The following PATJ variants were observed in gnomAD, a reference collection of about 807,000 sequenced individuals.
PATJ encodes inaD-like protein.
PATJ carries 190 observed loss-of-function variants against 224.9 expected under a neutral mutation model. The observed-to-expected ratio is 0.84, with a 90% CI of 0.75 to 0.95. The LOEUF (loss-of-function observed/expected upper bound fraction) is 0.95. PATJ is among the 40% of genes least tolerant of loss of function. PATJ has a pLI of 0.00. For synonymous variants in PATJ, 769 were observed against 820.3 expected, an observed-to-expected ratio of 0.94 and a Z score of 1.07; for missense variants, 2,121 against 2,270.3, an observed-to-expected ratio of 0.93 and a Z score of 1.34.
At chr1:62,098,719 C>T (rs1029436399) in intron 33 of PATJ, among the ~76,000 whole-genome samples, 2 of 152,194 alleles carry the variant, frequency 1.3e-5, no homozygotes, top group Non-Finnish European at 2.9e-5. Flanking sequence ...TCTGACCCCC[C>T]AGTCCTGAGT....
intron 30 of PATJ, among the ~76,000 whole-genome samples, chr1:62,047,688 T>G (rs1652813591): frequency 6.6e-6 from 1 of 152,244 alleles, no homozygotes; most frequent in East Asian, 1.9e-4. Context: ...TACTGATTTT[T>G]AAAGAGTAAT....
At position 61,802,691 on chromosome 1, in the gene PATJ, T is replaced by A. The variant is rs181437839; in HGVS notation, c.1549+922T>A. On this transcript the variant is annotated intron_variant, in intron 12 of 43. Coordinates refer to ENST00000642238, the MANE Select transcript of PATJ (RefSeq NM_001350145.3). ...TTATAAAAATTAATAATGTATGCAT[T>A]TCTATAAGTTGCATTGAATTGCCAA... Among the ~76,000 whole-genome samples the A allele has an allele frequency of 1.6e-4, 25 of 152,338 alleles. 1 individual carries two copies. In the East Asian group the frequency reaches 3.7e-3, roughly 22 times the overall value.
chr1:62,034,157 G>A (rs953747945), intron 29 of PATJ, among the ~76,000 whole-genome samples: 2 of 152,086 alleles, frequency 1.3e-5, no homozygotes, highest in African/African-American at 4.8e-5. Context: ...GGAAAGGAAA[G>A]TTTCACCCGG....
chr1:61,967,702 A>G (rs1571558981), intron 27 of PATJ, among the ~76,000 whole-genome samples: 2 of 152,234 alleles, frequency 1.3e-5, no homozygotes, highest in African/African-American at 2.4e-5. Flanking sequence ...AAAAGGCAAC[A>G]TTTGTTATTA....
chr1:62,084,705 T>G (rs764312516), intron 33 of PATJ, 57 bp downstream of exon 33: 18 of 1,580,882 alleles, frequency 1.1e-5, no homozygotes, highest in Middle Eastern at 1.7e-4. Context: ...TTGAGGTTAA[T>G]TTTGGCCCTG....
At chr1:61,829,683 T>C (rs1161011394) in intron 16 of PATJ, among the ~76,000 whole-genome samples, 1 of 152,140 alleles carries the variant, frequency 6.6e-6, no homozygotes, top group Non-Finnish European at 1.5e-5. Context: ...TAAACACAGG[T>C]TTTGTAATTG....
At chr1:61,837,877 G>A (rs1233376898) in intron 17 of PATJ, among the ~76,000 whole-genome samples, 3 of 151,744 alleles carry the variant, frequency 2.0e-5, no homozygotes, top group African/African-American at 4.8e-5. Context: ...TCTCTGGACC[G>A]GTCAGTGACT....
chr1:62,131,035 A>G (rs1666210502), intron 41 of PATJ, among the ~76,000 whole-genome samples: 1 of 152,188 alleles, frequency 6.6e-6, no homozygotes, highest in African/African-American at 2.4e-5. Flanking sequence ...TTTTAAAAGA[A>G]AGAAAAGAAA....
chr1:61,757,080 C>CTTT lies in PATJ; in HGVS notation c.-35-5763_-35-5761dup, dbSNP rs55788991. 2.7e-3 allele frequency among the ~76,000 whole-genome samples: 352 copies of CTTT among 129,180 alleles called. 9 individuals are homozygous for CTTT. Among genetic ancestry groups the CTTT allele is most frequent in the African/African-American group, 9.3e-3 (318 of 34,318 alleles). The allele number at this position is 129,180 out of a possible 152,430, so 84.7% of individuals were successfully genotyped here. ...GGCCATCGTTTTTGTGTCACTTTTA[C>CTTT]TTTTTTTTTTTTTTTTTGATCTTGC... On this transcript the variant is annotated intron_variant, in intron 1 of 43. Coordinates refer to ENST00000642238, the MANE Select transcript of PATJ (RefSeq NM_001350145.3).
chr1:61,984,173 T>C (rs1644611827), intron 27 of PATJ, among the ~76,000 whole-genome samples: 1 of 144,026 alleles, frequency 6.9e-6, no homozygotes, highest in Admixed American at 7.0e-5. Flanking sequence ...TATTTTTTTT[T>C]TTTTTGAGGC....
chr1:61,935,619 C>A (rs74518422), intron 27 of PATJ, among the ~76,000 whole-genome samples: 1 of 151,842 alleles, frequency 6.6e-6, no homozygotes, highest in Non-Finnish European at 1.5e-5. Flanking sequence ...ATAATAAGAC[C>A]CTGTCTACAA....
rs1002825973 is a variant in PATJ at position 62,006,406 on chromosome 1, G to A, written c.3868-11450G>A. On this transcript the variant is annotated intron_variant, in intron 28 of 43. Transcript: ENST00000642238. Reference sequence around the variant, plus strand: ...GCTAGGAGTACAGGCGTGAGCCACCGTGTTCAGCCCAGTATAAATTTCTAT... The same window carrying A: ...GCTAGGAGTACAGGCGTGAGCCACCATGTTCAGCCCAGTATAAATTTCTAT... Among the ~76,000 whole-genome samples the A allele has an allele frequency of 1.1e-4, 16 of 152,308 alleles. No individual in the cohort carries two copies. In the East Asian group the frequency reaches 1.2e-3, roughly 11 times the overall value.
intron 29 of PATJ, among the ~76,000 whole-genome samples, chr1:62,034,142 T>C (rs762492323): frequency 6.6e-6 from 1 of 152,056 alleles, no homozygotes; most frequent in Non-Finnish European, 1.5e-5. Flanking sequence ...TTAGGCTAAT[T>C]ATATGGAAAG....
chr1:61,979,929 G>A lies in PATJ; in HGVS notation c.3671-10239G>A, dbSNP rs191412974. Among the ~76,000 whole-genome samples, 50 of 152,080 alleles carry A rather than the reference G, an allele frequency of 3.3e-4. 1 individual carries two copies. The South Asian group carries it at 3.5e-3, about 11-fold the overall frequency. On this transcript the variant is annotated intron_variant, in intron 27 of 43. Transcript: ENST00000642238. ...GAGATAAGGATGCTCCCTTCCTCTG[G>A]GTATAGGCAGGGCACCTCTGTAATG...
Position 62,163,881 on chromosome 1 carries a change from T to C in PATJ, c.*2827T>C, listed in dbSNP as rs952647118. 3 of 152,132 alleles carry C rather than the reference T, an allele frequency of 2.0e-5. No individual in the cohort carries two copies. The highest frequency in any genetic ancestry group is 4.4e-5 in the Non-Finnish European group (3 of 68,034). The allele number at this position is 152,132 out of a possible 1,614,324, so 9.4% of individuals were successfully genotyped here. On this transcript the variant is annotated 3_prime_UTR_variant, in exon 44 of 44. Coordinates refer to ENST00000642238, the MANE Select transcript of PATJ (RefSeq NM_001350145.3). ...TGAATGTTTGTATGTGTAAGATATTTCCAAAGATTCTAAATAAATGTAGTT... is the reference window on the plus strand; with the variant it reads ...TGAATGTTTGTATGTGTAAGATATTCCCAAAGATTCTAAATAAATGTAGTT...
At chr1:62,088,387 G>A (rs1232742135) in intron 33 of PATJ, among the ~76,000 whole-genome samples, 4 of 152,028 alleles carry the variant, frequency 2.6e-5, no homozygotes, top group Non-Finnish European at 5.9e-5. Context: ...CCCTGAATTT[G>A]CTCTCTTCTG....
intron 15 of PATJ, among the ~76,000 whole-genome samples, chr1:61,825,314 G>A (rs1299509539): frequency 2.6e-5 from 4 of 152,200 alleles, no homozygotes; most frequent in Non-Finnish European, 4.4e-5. Flanking sequence ...GTGTATGTGT[G>A]TGTGCATTTT....
intron 27 of PATJ, among the ~76,000 whole-genome samples, chr1:61,973,252 A>G (rs1571588247): frequency 6.6e-6 from 1 of 152,020 alleles, no homozygotes; most frequent in South Asian, 2.1e-4. Flanking sequence ...GCTGCGAGCA[A>G]TAAATGACTA....
At chr1:62,152,348 G>T (rs1168946884) in intron 42 of PATJ, among the ~76,000 whole-genome samples, 1 of 144,558 alleles carries the variant, frequency 6.9e-6, no homozygotes, top group African/African-American at 2.5e-5. Flanking sequence ...AGTGGCCAGG[G>T]CGTTCCGGCA....
Sources: allele counts gnomAD v4.1 joint callset (sites outside exome capture counted in the v4.1 genomes callset), GRCh38; gene constraint gnomAD v4.1.1; transcripts MANE v1.5; gene names NCBI Gene and HGNC (gene_info 2026-07-23, HGNC 2026-07-21).